The following GALNTL6 variants were observed in gnomAD, a reference collection of about 807,000 sequenced individuals.
GALNTL6 encodes polypeptide N-acetylgalactosaminyltransferase-like 6.
GALNTL6 carries 46 observed loss-of-function variants against 73.7 expected under a neutral mutation model. That is an observed-to-expected ratio of 0.62 (90% CI 0.49 to 0.80). The LOEUF (loss-of-function observed/expected upper bound fraction) is 0.80, where lower values mean the gene tolerates loss of function less well. Ranked by LOEUF, GALNTL6 falls within the 30% of genes least tolerant of loss-of-function variation. GALNTL6 has a pLI of 0.00. For synonymous variants in GALNTL6, 259 were observed against 263.7 expected (o/e 0.98, Z 0.17); for missense variants, 604 against 755.0 (o/e 0.80, Z 2.34).
intron 9 of GALNTL6, among the ~76,000 whole-genome samples, chr4:172,947,446 A>G (rs1008811091): frequency 6.6e-6 from 1 of 152,198 alleles, no homozygotes; most frequent in Non-Finnish European, 1.5e-5. Context: ...CCTCAAAAAA[A>G]CAAGAACTCC....
chr4:172,360,965 C>G (rs996604237), intron 5 of GALNTL6, among the ~76,000 whole-genome samples: 1 of 152,100 alleles, frequency 6.6e-6, no homozygotes, highest in African/African-American at 2.4e-5. Flanking sequence ...TCAGCTTGCT[C>G]CCTAATTTGC....
At chr4:172,891,131 T>TC (rs1246724111) in intron 8 of GALNTL6, among the ~76,000 whole-genome samples, 2 of 151,974 alleles carry the variant, frequency 1.3e-5, no homozygotes, top group African/African-American at 4.8e-5. Context: ...CTTTTTTTTT[T>TC]TTAATCCAAC....
intron 2 of GALNTL6, among the ~76,000 whole-genome samples, chr4:172,117,529 T>C (rs1733021462): frequency 6.6e-6 from 1 of 152,172 alleles, no homozygotes; most frequent in East Asian, 1.9e-4. Flanking sequence ...ATATAGTTTG[T>C]TTCAGAATGC....
chr4:171,861,573 C>A (rs1434440652), intron 2 of GALNTL6, among the ~76,000 whole-genome samples: 2 of 152,020 alleles, frequency 1.3e-5, no homozygotes, highest in Non-Finnish European at 2.9e-5. Flanking sequence ...CATCAATCTT[C>A]CTCAGTTTTT....
At chr4:172,037,770 A>G (rs969917738) in intron 2 of GALNTL6, among the ~76,000 whole-genome samples, 2 of 152,174 alleles carry the variant, frequency 1.3e-5, no homozygotes, top group African/African-American at 2.4e-5. Flanking sequence ...TGCCCATTCA[A>G]TTCTCAAAAT....
chr4:172,610,059 A>G (rs1411576316), intron 5 of GALNTL6, among the ~76,000 whole-genome samples: 1 of 151,832 alleles, frequency 6.6e-6, no homozygotes, highest in South Asian at 2.1e-4. Flanking sequence ...GTCATTTCTA[A>G]TTGTGTTTAT....
chr4:172,466,497 A>G (rs1392847417), intron 5 of GALNTL6, among the ~76,000 whole-genome samples: 1 of 152,196 alleles, frequency 6.6e-6, no homozygotes, highest in Non-Finnish European at 1.5e-5. Flanking sequence ...CGCACTCTTA[A>G]TTAAAGTTAC....
At chr4:172,349,822 T>TAAA (rs33936551) in intron 5 of GALNTL6, among the ~76,000 whole-genome samples, 55 of 84,864 alleles carry the variant, frequency 6.5e-4, no homozygotes, top group East Asian at 1.1e-3. Context: ...CGTCTCAAAT[T>TAAA]AAAAAAAAAT....
intron 5 of GALNTL6, among the ~76,000 whole-genome samples, chr4:172,487,331 T>C (rs1030473495): frequency 1.5e-3 from 212 of 137,998 alleles, no homozygotes; most frequent in Non-Finnish European, 2.1e-3. Context: ...TCTTTCTTTC[T>C]TTCTTTCTTT....
chr4:172,626,439 A>T (rs1408150937), intron 5 of GALNTL6, among the ~76,000 whole-genome samples: 1 of 152,084 alleles, frequency 6.6e-6, no homozygotes. Context: ...GAAGTCTGGT[A>T]ACATGATGTC....
chr4:172,599,711 G>A (rs564541924), intron 5 of GALNTL6, among the ~76,000 whole-genome samples: 28 of 152,204 alleles, frequency 1.8e-4, no homozygotes, highest in South Asian at 1.2e-3. Context: ...GGTGTGCTAC[G>A]TCTGAGCCAT....
chr4:171,847,450 A>G (rs190257533), intron 2 of GALNTL6, among the ~76,000 whole-genome samples: 284 of 152,220 alleles, frequency 1.9e-3, no homozygotes, highest in Admixed American at 2.9e-3. Flanking sequence ...GGCTGTGTCA[A>G]TTTCTTAGAA....
chr4:172,812,245 A>C (rs1307811398), intron 6 of GALNTL6, among the ~76,000 whole-genome samples: 1 of 152,262 alleles, frequency 6.6e-6, no homozygotes, highest in Non-Finnish European at 1.5e-5. Context: ...CTTCTGAAGC[A>C]AACGGACAGT....
intron 2 of GALNTL6, among the ~76,000 whole-genome samples, chr4:172,049,714 C>A (rs113933736): frequency 6.6e-6 from 1 of 151,958 alleles, no homozygotes; most frequent in Non-Finnish European, 1.5e-5. Flanking sequence ...CCTGGCGCAG[C>A]GGCTCATGCC....
In GALNTL6 at chr4:172,702,872, T is replaced by A. The variant is rs147616001; in HGVS notation, c.554-106489T>A. ...GTGTCTTTTCCTTTAAATTATTTTA[T>A]TTAAAGTTTATTACTCGTATAAAGA... is the stretch of plus-strand genomic sequence containing the variant. On this transcript the variant is annotated intron_variant, in intron 5 of 12. Coordinates refer to ENST00000506823, the MANE Select transcript of GALNTL6 (RefSeq NM_001034845.3). Among the ~76,000 whole-genome samples the A allele has an allele frequency of 8.6e-3, 1,314 of 152,142 alleles. 22 individuals carry two copies. Among genetic ancestry groups the A allele is most frequent in the African/African-American group, 0.03 (1,254 of 41,546 alleles).
chr4:171,953,210 G>A (rs972778030), intron 2 of GALNTL6, among the ~76,000 whole-genome samples: 2 of 148,406 alleles, frequency 1.3e-5, no homozygotes, highest in East Asian at 2.0e-4. Flanking sequence ...AATTAAAATG[G>A]TGTGCGCATG....
intron 10 of GALNTL6, among the ~76,000 whole-genome samples, chr4:172,981,126 T>G (rs1187848268): frequency 1.3e-5 from 2 of 152,232 alleles, no homozygotes; most frequent in Non-Finnish European, 2.9e-5. Context: ...TGTTTCCACC[T>G]TTAGGCTATG....
At chr4:172,518,557 TA>T (rs1734681973) in intron 5 of GALNTL6, among the ~76,000 whole-genome samples, 1 of 151,980 alleles carries the variant, frequency 6.6e-6, no homozygotes, top group Non-Finnish European at 1.5e-5. Flanking sequence ...TATTTTAAAT[TA>T]AAATGATTTA....
At chr4:172,166,970 A>G (rs1734645123) in intron 2 of GALNTL6, among the ~76,000 whole-genome samples, 1 of 152,192 alleles carries the variant, frequency 6.6e-6, no homozygotes, top group Admixed American at 6.5e-5. Context: ...TGGAGTAGGA[A>G]TCAGAACTCC....
Sources: allele counts gnomAD v4.1 joint callset (sites outside exome capture counted in the v4.1 genomes callset), GRCh38; gene constraint gnomAD v4.1.1; transcripts MANE v1.5; gene names NCBI Gene and HGNC (gene_info 2026-07-23, HGNC 2026-07-21).